SHISA9: variants seen among roughly 807,000 people sequenced by gnomAD.
SHISA9 encodes the protein shisa family member 9.
Under a neutral mutation model 38.0 loss-of-function variants are expected in SHISA9, and 13 were observed. That is an observed-to-expected ratio of 0.34 (90% CI 0.22 to 0.54). SHISA9 has a LOEUF of 0.54. Ranked by LOEUF, SHISA9 falls within the 20% of genes least tolerant of loss-of-function variation. The pLI is 0.91. For synonymous variants in SHISA9, 275 were observed against 242.0 expected (o/e 1.14, Z -1.27); for missense variants, 538 against 575.8 (o/e 0.93, Z 0.67).
chr16:13,149,336 G>A (rs1008367033), intron 2 of SHISA9, among the ~76,000 whole-genome samples: 2 of 152,172 alleles, frequency 1.3e-5, no homozygotes, highest in African/African-American at 4.8e-5. Flanking sequence ...GGGGTATGGG[G>A]TGGAGAGGCT....
At chr16:13,403,859 G>T in the SHISA9 span, among the ~76,000 whole-genome samples, 1 of 152,184 alleles carries the variant, frequency 6.6e-6, no homozygotes, top group Non-Finnish European at 1.5e-5. Context: ...CACTTTACCT[G>T]CATTGGCCTC....
chr16:13,187,219 T>C (rs2050833259), intron 2 of SHISA9, among the ~76,000 whole-genome samples: 1 of 152,186 alleles, frequency 6.6e-6, no homozygotes, highest in South Asian at 2.1e-4. Flanking sequence ...ACCCAAGTTC[T>C]CTGGCTCTGC....
intron 2 of SHISA9, among the ~76,000 whole-genome samples, chr16:13,072,258 A>C (rs534086030): frequency 6.6e-6 from 1 of 152,332 alleles, no homozygotes; most frequent in East Asian, 1.9e-4. Context: ...AGCCTGCCGG[A>C]TCAAAGTTAA....
the SHISA9 span, among the ~76,000 whole-genome samples, chr16:13,260,152 G>A: frequency 1.3e-5 from 2 of 150,568 alleles, no homozygotes; most frequent in East Asian, 2.0e-4. Flanking sequence ...GAGTAGCTTA[G>A]ACTACAGGCA....
At chr16:13,030,729 G>T (rs1389168794) in intron 2 of SHISA9, among the ~76,000 whole-genome samples, 1 of 152,168 alleles carries the variant, frequency 6.6e-6, no homozygotes. Flanking sequence ...GCTCTTTAAG[G>T]CTTTGATGAA....
the SHISA9 span, among the ~76,000 whole-genome samples, chr16:13,302,544 C>T: frequency 2.0e-5 from 3 of 152,164 alleles, no homozygotes; most frequent in African/African-American, 7.2e-5. Flanking sequence ...TACAGACTCT[C>T]TCCATGAACT....
intron 2 of SHISA9, among the ~76,000 whole-genome samples, chr16:13,011,835 T>G (rs1567180966): frequency 6.6e-6 from 1 of 151,770 alleles, no homozygotes; most frequent in African/African-American, 2.4e-5. Context: ...ACTTTTTTTT[T>G]TTGTTTTTGA....
chr16:13,421,284 C>T, the SHISA9 span, among the ~76,000 whole-genome samples: 1 of 152,146 alleles, frequency 6.6e-6, no homozygotes, highest in African/African-American at 2.4e-5. Flanking sequence ...CGTTTTCATA[C>T]TGCTGATAAA....
At chr16:13,444,485 G>A in the SHISA9 span, among the ~76,000 whole-genome samples, 1 of 151,050 alleles carries the variant, frequency 6.6e-6, no homozygotes, top group Non-Finnish European at 1.5e-5. Context: ...GGGAGGAAGG[G>A]GAAAGTCTTG....
intron 2 of SHISA9, among the ~76,000 whole-genome samples, chr16:12,951,359 C>T (rs2071755143): frequency 6.7e-6 from 1 of 150,226 alleles, no homozygotes; most frequent in Non-Finnish European, 1.5e-5. Flanking sequence ...AGTCGACACA[C>T]TTTTTCTATA....
the SHISA9 span, among the ~76,000 whole-genome samples, chr16:13,554,524 T>G: frequency 6.6e-6 from 1 of 151,228 alleles, no homozygotes; most frequent in African/African-American, 2.4e-5. Context: ...TTCTTTTTTT[T>G]TTTTTGATGG....
Position 13,118,551 on chromosome 16 carries a change from A to T in SHISA9, c.692-84843A>T, listed in dbSNP as rs939271199. ...GAGGTGCATGTGGATCACCTGGAGG[A>T]TTGTGCTAAAATGAAGAAAAACAGA... On this transcript the variant is annotated intron_variant, in intron 2 of 4. Coordinates refer to ENST00000558583, the MANE Select transcript of SHISA9 (RefSeq NM_001145204.3). Among the ~76,000 whole-genome samples, 4 of 152,060 alleles carry T rather than the reference A, an allele frequency of 2.6e-5. No individual in the cohort carries two copies. The East Asian group carries it at 7.7e-4, about 29-fold the overall frequency.
chr16:12,967,656 C>G (rs544692031), intron 2 of SHISA9, among the ~76,000 whole-genome samples: 2 of 151,048 alleles, frequency 1.3e-5, no homozygotes, highest in South Asian at 4.2e-4. Flanking sequence ...TGTTAATAAA[C>G]AGTGCATCAA....
In SHISA9 at chr16:13,146,768, AAATCAT is replaced by A. The variant is rs560379713; in HGVS notation, c.692-56625_692-56620del. Among the ~76,000 whole-genome samples, 843 of 152,294 alleles carry A rather than the reference AAATCAT, an allele frequency of 5.5e-3. 6 individuals carry two copies. The highest frequency in any genetic ancestry group is 8.6e-3 in the Non-Finnish European group (587 of 68,012). On this transcript the variant is annotated intron_variant, in intron 2 of 4. Transcript: ENST00000558583. ...TCAATCCCAGATGTGCCTAATCCTG[AAATCAT>A]GCTCTTAGGTGTATTAACAGGGCAC...
At chr16:13,373,747 C>T in the SHISA9 span, among the ~76,000 whole-genome samples, 8 of 124,992 alleles carry the variant, frequency 6.4e-5, no homozygotes, top group African/African-American at 2.2e-4. Flanking sequence ...GGAGACAGAG[C>T]GAGACTCCGT....
At chr16:13,169,079 C>G (rs1379413170) in intron 2 of SHISA9, among the ~76,000 whole-genome samples, 1 of 152,132 alleles carries the variant, frequency 6.6e-6, no homozygotes, top group Non-Finnish European at 1.5e-5. Context: ...ATACAATGAC[C>G]CCTACGGAAG....
chr16:13,031,046 A>T (rs992123530), intron 2 of SHISA9, among the ~76,000 whole-genome samples: 1 of 152,148 alleles, frequency 6.6e-6, no homozygotes, highest in East Asian at 1.9e-4. Context: ...CCAGCCGTTT[A>T]TATGTCTCTG....
At chr16:13,161,893 G>C (rs2050598191) in intron 2 of SHISA9, among the ~76,000 whole-genome samples, 1 of 152,136 alleles carries the variant, frequency 6.6e-6, no homozygotes, top group Non-Finnish European at 1.5e-5. Context: ...TTTGCTGAAA[G>C]TTTTTTATTG....
intron 2 of SHISA9, among the ~76,000 whole-genome samples, chr16:12,954,599 T>C (rs1471780001): frequency 6.6e-6 from 1 of 152,202 alleles, no homozygotes; most frequent in Non-Finnish European, 1.5e-5. Context: ...TAATGAATAA[T>C]AATGGCAGCT....
Sources: allele counts gnomAD v4.1 joint callset (sites outside exome capture counted in the v4.1 genomes callset), GRCh38; gene constraint gnomAD v4.1.1; transcripts MANE v1.5; gene names NCBI Gene and HGNC (gene_info 2026-07-23, HGNC 2026-07-21).